ZBTB46: variants seen among roughly 807,000 people sequenced by gnomAD.
ZBTB46 encodes zinc finger and BTB domain-containing protein 46.
In ZBTB46, 8 loss-of-function variants were observed where a neutral mutation model predicts 44.1. The observed-to-expected ratio is 0.18, with a 90% CI of 0.11 to 0.33. The LOEUF (loss-of-function observed/expected upper bound fraction) is 0.33. Among genes scored for constraint, ZBTB46 ranks in the 10% least tolerant of loss-of-function variants. The pLI is 1.00. For missense variants in ZBTB46, 651 were observed against 847.7 expected (o/e 0.77, Z 2.88); for synonymous variants, 409 against 382.3 (o/e 1.07, Z -0.81).
intron 3 of ZBTB46, among the ~76,000 whole-genome samples, chr20:63,774,542 C>A (rs1432808942): frequency 6.6e-6 from 1 of 152,124 alleles, no homozygotes; most frequent in Non-Finnish European, 1.5e-5. Flanking sequence ...GCTCCCTCCT[C>A]CCCTGGAGAG....
intron 1 of ZBTB46, among the ~76,000 whole-genome samples, chr20:63,806,848 TCTCGG>T (rs953685356): frequency 6.7e-6 from 1 of 149,130 alleles, no homozygotes; most frequent in Non-Finnish European, 1.5e-5. Flanking sequence ...AGTGGCGCCA[TCTCGG>T]CTCACTGCAA....
intron 3 of ZBTB46, among the ~76,000 whole-genome samples, chr20:63,759,636 C>T (rs1189936530): frequency 6.6e-6 from 1 of 152,154 alleles, no homozygotes; most frequent in African/African-American, 2.4e-5. Context: ...CAAGAGCTCT[C>T]AGGGGCAGCC....
At chr20:63,813,736 C>A (rs1422014515) in intron 1 of ZBTB46, among the ~76,000 whole-genome samples, 2 of 152,160 alleles carry the variant, frequency 1.3e-5, no homozygotes, top group African/African-American at 2.4e-5. Context: ...GACATCACCA[C>A]CCACAAGCAG....
chr20:63,784,200 G>A (rs2092493759), intron 2 of ZBTB46, among the ~76,000 whole-genome samples: 1 of 152,206 alleles, frequency 6.6e-6, no homozygotes, highest in Non-Finnish European at 1.5e-5. Flanking sequence ...GTGAGGAGCT[G>A]CTGTCAGCAC....
chr20:63,797,330 A>G (rs1465389314), intron 1 of ZBTB46, among the ~76,000 whole-genome samples: 1 of 152,030 alleles, frequency 6.6e-6, no homozygotes, highest in Non-Finnish European at 1.5e-5. Flanking sequence ...AAGGACATGA[A>G]CGCATCCTTT....
At chr20:63,806,633 G>A (rs1370920140) in intron 1 of ZBTB46, among the ~76,000 whole-genome samples, 2 of 152,068 alleles carry the variant, frequency 1.3e-5, no homozygotes, top group Non-Finnish European at 2.9e-5. Context: ...TTTTGAGATG[G>A]AATCTGGCTC....
intron 3 of ZBTB46, among the ~76,000 whole-genome samples, chr20:63,766,447 C>T (rs1044053858): frequency 7.3e-5 from 11 of 151,526 alleles, no homozygotes; most frequent in Non-Finnish European, 1.6e-4. Context: ...AACTCCCGAC[C>T]TCAGGTGATC....
chr20:63,782,485 G>C (rs6062527), intron 2 of ZBTB46, among the ~76,000 whole-genome samples: 35,773 of 152,148 alleles, frequency 0.24, 4,284 homozygotes, highest in Middle Eastern at 0.36. Flanking sequence ...TCAGACTTCA[G>C]AGAACCGTGA....
At chr20:63,821,127 A>G (rs1176434218) in intron 1 of ZBTB46, among the ~76,000 whole-genome samples, 3 of 150,692 alleles carry the variant, frequency 2.0e-5, no homozygotes, top group Non-Finnish European at 4.4e-5. Flanking sequence ...TCTTGACCTC[A>G]TGATCCGCCC....
rs748733831 is a variant in ZBTB46 at position 63,752,962 on chromosome 20, G to A, written c.1223-101C>T. 26 of 1,352,252 alleles carry A rather than the reference G, an allele frequency of 1.9e-5. No individual in the cohort carries two copies. Among genetic ancestry groups the A allele is most frequent in the Non-Finnish European group, 2.5e-5 (25 of 1,009,048 alleles). The allele number at this position is 1,352,252 out of a possible 1,614,324, so 83.8% of individuals were successfully genotyped here. A position where few individuals can be genotyped will look rare whatever the true frequency, so the allele number is the denominator to read the frequency against. ...CGCCGCAGCCCAGCAGCCAGGACGG[G>A]CTGTCTCCCACGGCCACCCACTGGG... On this transcript the variant is annotated intron_variant, in intron 3 of 4. Coordinates refer to ENST00000245663, the MANE Select transcript of ZBTB46 (RefSeq NM_001369741.1). This position sits in a 1 kb window ranked among gnomAD's most constrained non-coding sequence, Gnocchi z 5.6.
intron 4 of ZBTB46, among the ~76,000 whole-genome samples, chr20:63,750,059 G>C (rs902246703): frequency 6.6e-6 from 1 of 152,202 alleles, no homozygotes; most frequent in Non-Finnish European, 1.5e-5. Context: ...TTCCTGGAGC[G>C]GGTGGAGGGG....
At chr20:63,777,034 C>T (rs920206698) in intron 2 of ZBTB46, among the ~76,000 whole-genome samples, 2 of 145,582 alleles carry the variant, frequency 1.4e-5, no homozygotes, top group African/African-American at 5.2e-5. Flanking sequence ...TTCCACCACA[C>T]GCCACGGTTC....
chr20:63,766,774 A>G (rs1341560273), intron 3 of ZBTB46, among the ~76,000 whole-genome samples: 1 of 152,220 alleles, frequency 6.6e-6, no homozygotes, highest in Admixed American at 6.5e-5. Context: ...TAAAGATTTG[A>G]GGAACCAGGG....
Position 63,752,683 on chromosome 20 carries a change from C to G in ZBTB46, c.1398+3G>C. ...GCGGCACGCGGACCCTCCCCGCACT[C>G]ACCAGCGTGTGGCGCTTCATGTGCT... On this transcript the variant is annotated splice_donor_region_variant and intron_variant, in intron 4 of 4. Transcript: ENST00000245663. This position sits in a 1 kb window ranked among gnomAD's most constrained non-coding sequence, Gnocchi z 5.6. The G allele has an allele frequency of 1.3e-6, 2 of 1,574,418 alleles. No individual in the cohort carries two copies. Among genetic ancestry groups the G allele is most frequent in the Non-Finnish European group, 8.6e-7 (1 of 1,161,482 alleles).
intron 3 of ZBTB46, among the ~76,000 whole-genome samples, chr20:63,774,730 G>A (rs2092408131): frequency 8.0e-6 from 1 of 125,090 alleles, no homozygotes; most frequent in African/African-American, 2.9e-5. Flanking sequence ...TTGAGACAGA[G>A]TCTCCCTCTG....
intron 3 of ZBTB46, among the ~76,000 whole-genome samples, chr20:63,772,205 A>G (rs1280332618): frequency 6.6e-6 from 1 of 151,958 alleles, no homozygotes; most frequent in East Asian, 1.9e-4. Context: ...CATGTTGGCC[A>G]GGCTGGTCTT....
At position 63,747,310 on chromosome 20, in the gene ZBTB46, G is replaced by A; in HGVS notation, c.1399-9C>T. Reference sequence around the variant, plus strand: ...TTGTCCTTGCTGTGGACCTGCAGAGGCAGGGCAGGGGGTGAGCAGGGCCTG... The same window carrying A: ...TTGTCCTTGCTGTGGACCTGCAGAGACAGGGCAGGGGGTGAGCAGGGCCTG... On this transcript the variant is annotated splice_polypyrimidine_tract_variant and intron_variant, in intron 4 of 4. Coordinates refer to ENST00000245663, the MANE Select transcript of ZBTB46 (RefSeq NM_001369741.1). 2 of 1,462,870 alleles carry A rather than the reference G, an allele frequency of 1.4e-6. No homozygotes were observed. The highest frequency in any genetic ancestry group is 1.8e-6 in the Non-Finnish European group (2 of 1,103,068). 90.6% of individuals were successfully genotyped at this position (1,462,870 alleles called of 1,614,324 possible). A position where few individuals can be genotyped will look rare whatever the true frequency, so the allele number is the denominator to read the frequency against.
At chr20:63,784,127 ACAGC>A (rs2092493136) in intron 2 of ZBTB46, among the ~76,000 whole-genome samples, 1 of 152,220 alleles carries the variant, frequency 6.6e-6, no homozygotes, top group South Asian at 2.1e-4. Flanking sequence ...AGAAGGGGAC[ACAGC>A]CACGGCCCCC....
intron 4 of ZBTB46, among the ~76,000 whole-genome samples, chr20:63,748,202 A>C (rs2092123522): frequency 6.6e-6 from 1 of 152,310 alleles, no homozygotes; most frequent in South Asian, 2.1e-4. Flanking sequence ...TCAGAGGAGG[A>C]GGTGTGGCTG....
Sources: gnomAD v4.1 joint callset for allele counts (sites outside exome capture counted in the v4.1 genomes callset) on GRCh38, gnomAD v4.1.1 for gene constraint, Gnocchi (gnomAD v3.1) non-coding constraint, MANE v1.5 for transcripts, NCBI Gene and HGNC (gene_info 2026-07-23, HGNC 2026-07-21) for gene names.